CDYL: variants seen among roughly 807,000 people sequenced by gnomAD.
CDYL encodes the protein chromodomain Y like.
CDYL carries 8 observed loss-of-function variants against 47.3 expected under a neutral mutation model. The observed-to-expected ratio is 0.17, with a 90% CI of 0.10 to 0.31. The LOEUF is 0.31. CDYL is among the 10% of genes least tolerant of loss of function. CDYL has a pLI of 1.00. For missense variants in CDYL, 471 were observed against 701.4 expected, an observed-to-expected ratio of 0.67 and a Z score of 3.71; for synonymous variants, 266 against 265.0, an observed-to-expected ratio of 1.00 and a Z score of -0.04.
chr6:4,849,894 G>A (rs1337815583), intron 1 of CDYL, among the ~76,000 whole-genome samples: 3 of 132,506 alleles, frequency 2.3e-5, no homozygotes, highest in African/African-American at 8.3e-5. Flanking sequence ...ACGTGCTCAG[G>A]AGAAAACAGG....
At chr6:4,867,916 G>C (rs1005581877) in intron 1 of CDYL, among the ~76,000 whole-genome samples, 11 of 151,426 alleles carry the variant, frequency 7.3e-5, no homozygotes, top group African/African-American at 2.4e-5. Context: ...AGAGTATATC[G>C]TGTTTCCTTC....
chr6:4,916,880 G>A (rs1384220363), intron 2 of CDYL, among the ~76,000 whole-genome samples: 5 of 152,212 alleles, frequency 3.3e-5, no homozygotes, highest in Admixed American at 6.5e-5. Context: ...CCACGTGCAC[G>A]GCCCACTGCC....
At chr6:4,850,967 G>A (rs1052750665) in intron 1 of CDYL, among the ~76,000 whole-genome samples, 2 of 152,122 alleles carry the variant, frequency 1.3e-5, no homozygotes, top group African/African-American at 4.8e-5. Flanking sequence ...TAATGGCACC[G>A]AGGCACATGG....
chr6:4,758,368 A>ATATATATATATATATATATC (rs1400799578), intron 3 of CDYL, among the ~76,000 whole-genome samples: 42 of 144,524 alleles, frequency 2.9e-4, no homozygotes, highest in African/African-American at 9.0e-4. Flanking sequence ...ATATATATAT[A>ATATATATATATATATATATC]TATCTCTTTG....
intron 1 of CDYL, among the ~76,000 whole-genome samples, chr6:4,783,854 G>A (rs1758683274): frequency 6.7e-6 from 1 of 149,772 alleles, no homozygotes; most frequent in Non-Finnish European, 1.5e-5. Context: ...TTTTTTATTA[G>A]TTAGGTGGGT....
At chr6:4,711,773 GA>G (rs1184425807) in intron 1 of CDYL, among the ~76,000 whole-genome samples, 3 of 152,110 alleles carry the variant, frequency 2.0e-5, no homozygotes, top group African/African-American at 7.2e-5. Context: ...GAGTATAAAA[GA>G]AAAAAGCAGG....
intron 2 of CDYL, among the ~76,000 whole-genome samples, chr6:4,927,970 C>T (rs1196613027): frequency 6.6e-6 from 1 of 151,972 alleles, no homozygotes; most frequent in African/African-American, 2.4e-5. Flanking sequence ...TGCATGTATC[C>T]TCATCATAGA....
chr6:4,924,717 G>C (rs767547789), intron 2 of CDYL, among the ~76,000 whole-genome samples: 1 of 152,120 alleles, frequency 6.6e-6, no homozygotes, highest in Non-Finnish European at 1.5e-5. Flanking sequence ...GAACGACTTC[G>C]ATACTGAGCA....
At chr6:4,827,897 C>T (rs183200774) in intron 1 of CDYL, among the ~76,000 whole-genome samples, 4 of 152,294 alleles carry the variant, frequency 2.6e-5, no homozygotes, top group Admixed American at 6.5e-5. Flanking sequence ...TTAAGTGATC[C>T]GCCCACCTCG....
intron 1 of CDYL, among the ~76,000 whole-genome samples, chr6:4,839,999 T>G (rs1029953507): frequency 6.6e-6 from 1 of 152,228 alleles, no homozygotes; most frequent in African/African-American, 2.4e-5. Flanking sequence ...ATTTGTAGAT[T>G]GTTTTTGACA....
At chr6:4,751,775 A>G (rs949859097) in intron 3 of CDYL, among the ~76,000 whole-genome samples, 2 of 152,284 alleles carry the variant, frequency 1.3e-5, no homozygotes, top group African/African-American at 4.8e-5. Context: ...AAGTGATAGA[A>G]GAAGAAACCA....
At chr6:4,914,794 G>A (rs9405785) in intron 2 of CDYL, among the ~76,000 whole-genome samples, 71,983 of 152,052 alleles carry the variant, frequency 0.47, 18,325 homozygotes, top group East Asian at 0.67. Context: ...CATGGCCCAC[G>A]CATAGAGGTG....
chr6:4,785,685 A>G (rs1758736979), intron 1 of CDYL, among the ~76,000 whole-genome samples: 2 of 152,214 alleles, frequency 1.3e-5, no homozygotes, highest in Non-Finnish European at 1.5e-5. Context: ...TTGCAAAAAG[A>G]TGCACCACCC....
At chr6:4,736,661 T>C (rs2127415627) in intron 3 of CDYL, among the ~76,000 whole-genome samples, 1 of 147,340 alleles carries the variant, frequency 6.8e-6, no homozygotes, top group Non-Finnish European at 1.5e-5. Context: ...CTACTCAGCT[T>C]TTTTTTTTTT....
chr6:4,745,464 C>T (rs761386416), intron 3 of CDYL, among the ~76,000 whole-genome samples: 3 of 151,932 alleles, frequency 2.0e-5, no homozygotes, highest in Admixed American at 1.3e-4. Flanking sequence ...TGGCCGGGCT[C>T]GGTAGCTCAC....
intron 2 of CDYL, among the ~76,000 whole-genome samples, chr6:4,894,876 T>TGTGTGTGTATATATACAC: frequency 3.1e-4 from 1 of 3,256 alleles, no homozygotes; most frequent in Non-Finnish European, 0.014. Context: ...TATACACACA[T>TGTGTGTGTATATATACAC]GTGTATGTGT....
At chr6:4,782,423 C>G (rs369871847) in intron 1 of CDYL, among the ~76,000 whole-genome samples, 2 of 152,298 alleles carry the variant, frequency 1.3e-5, no homozygotes, top group South Asian at 2.1e-4. Context: ...GGTTCCTCCT[C>G]CCCTAAGCAT....
intron 2 of CDYL, among the ~76,000 whole-genome samples, chr6:4,922,734 C>G (rs987289195): frequency 6.6e-6 from 1 of 152,230 alleles, no homozygotes; most frequent in Non-Finnish European, 1.5e-5. Context: ...CTGCTGCAAT[C>G]TCAGTGTTCT....
chr6:4,825,192 C>CCTTG (rs1175459432), intron 1 of CDYL, among the ~76,000 whole-genome samples: 1 of 152,024 alleles, frequency 6.6e-6, no homozygotes, highest in African/African-American at 2.4e-5. Flanking sequence ...TTTTGATAGG[C>CCTTG]CTTGCATGAA....
Sources: gnomAD v4.1 joint callset for allele counts (sites outside exome capture counted in the v4.1 genomes callset) on GRCh38, gnomAD v4.1.1 for gene constraint, MANE v1.5 for transcripts, NCBI Gene and HGNC (gene_info 2026-07-23, HGNC 2026-07-21) for gene names.